EBF2: variants seen among roughly 807,000 people sequenced by gnomAD.
EBF2 encodes the protein EBF transcription factor 2.
A neutral mutation model predicts 72.8 loss-of-function variants in EBF2; 21 were observed. The observed-to-expected ratio is 0.29, with a 90% CI of 0.20 to 0.42. The LOEUF (loss-of-function observed/expected upper bound fraction) is 0.42, where lower values mean the gene tolerates loss of function less well. EBF2 is among the 10% of genes least tolerant of loss of function. The pLI is 1.00. For missense variants in EBF2, 637 were observed against 731.2 expected (o/e 0.87, Z 1.49); for synonymous variants, 299 against 274.2 (o/e 1.09, Z -0.89).
At chr8:25,923,716 G>A in intron 6 of EBF2, among the ~76,000 whole-genome samples, 1 of 152,280 alleles carries the variant, frequency 6.6e-6, no homozygotes, top group African/African-American at 2.4e-5. Flanking sequence ...CAACCAAAGG[G>A]CCTAGTGAGG....
At chr8:25,918,751 C>T (rs567764559) in intron 6 of EBF2, among the ~76,000 whole-genome samples, 1 of 152,246 alleles carries the variant, frequency 6.6e-6, no homozygotes, top group South Asian at 2.1e-4. Context: ...AGCCAACATT[C>T]AAACAATCAA....
At chr8:25,913,439 GA>G (rs200158690) in intron 6 of EBF2, among the ~76,000 whole-genome samples, 1 of 150,554 alleles carries the variant, frequency 6.6e-6, no homozygotes, top group Non-Finnish European at 1.5e-5. Flanking sequence ...GACCCCGTCA[GA>G]AAAAAAAATA....
chr8:25,855,095 G>A (rs1422310567), intron 14 of EBF2, among the ~76,000 whole-genome samples: 4 of 152,160 alleles, frequency 2.6e-5, no homozygotes, highest in Non-Finnish European at 1.5e-5. Context: ...ATCTCTCTAT[G>A]GATAGAGGCC....
At chr8:25,963,436 C>T (rs1198459369) in intron 6 of EBF2, among the ~76,000 whole-genome samples, 3 of 152,196 alleles carry the variant, frequency 2.0e-5, no homozygotes, top group African/African-American at 7.2e-5. Flanking sequence ...GTGCACAATA[C>T]TTCTTTCCAT....
chr8:26,000,711 CT>C (rs1466146317), intron 6 of EBF2, among the ~76,000 whole-genome samples: 1 of 152,190 alleles, frequency 6.6e-6, no homozygotes, highest in African/African-American at 2.4e-5. Flanking sequence ...GTTAAGCAAA[CT>C]AATCTTGAGC....
intron 7 of EBF2, among the ~76,000 whole-genome samples, chr8:25,904,499 T>C (rs1002416905): frequency 2.0e-5 from 3 of 152,154 alleles, no homozygotes; most frequent in African/African-American, 7.2e-5. Context: ...TTTTTCATAT[T>C]TCTATTCCAT....
intron 6 of EBF2, among the ~76,000 whole-genome samples, chr8:25,990,479 T>G (rs1452720199): frequency 6.6e-6 from 1 of 152,176 alleles, no homozygotes; most frequent in Non-Finnish European, 1.5e-5. Flanking sequence ...CAAGCACTCA[T>G]GTTCAGATTC....
chr8:25,899,212 A>G (rs144760179), intron 7 of EBF2, among the ~76,000 whole-genome samples: 12 of 151,944 alleles, frequency 7.9e-5, no homozygotes, highest in African/African-American at 2.4e-4. Context: ...CATTGGACTA[A>G]GAGAAAGATC....
intron 5 of EBF2, among the ~76,000 whole-genome samples, chr8:26,036,406 A>C (rs1805501320): frequency 6.6e-6 from 1 of 152,236 alleles, no homozygotes; most frequent in Non-Finnish European, 1.5e-5. Flanking sequence ...ATTCAGCACA[A>C]AACATACATA....
Position 25,848,846 on chromosome 8 carries a change from C to A in EBF2, c.1696+1748G>T, listed in dbSNP as rs904247795. Among the ~76,000 whole-genome samples the A allele has an allele frequency of 2.6e-5, 4 of 152,190 alleles. 1 individual carries two copies. The South Asian group carries it at 6.2e-4, about 24-fold the overall frequency. On this transcript the variant is annotated intron_variant, in intron 15 of 15. Coordinates refer to ENST00000520164, the MANE Select transcript of EBF2 (RefSeq NM_022659.4). ...CAGTAAGACTTGCTGGGCCTCCACTCGGGTTAAGGTCGATGAATAAAACCA... is the reference window on the plus strand; with the variant it reads ...CAGTAAGACTTGCTGGGCCTCCACTAGGGTTAAGGTCGATGAATAAAACCA...
chr8:25,967,915 G>A (rs1398649768), intron 6 of EBF2, among the ~76,000 whole-genome samples: 1 of 152,220 alleles, frequency 6.6e-6, no homozygotes, highest in African/African-American at 2.4e-5. Context: ...GAGGTTTCCA[G>A]TAGCCAGGTA....
rs1191704116 is a variant in EBF2, at chr8:26,044,204, C to T, written c.131+525G>A. Among the ~76,000 whole-genome samples, 1 of 152,242 alleles carries T rather than the reference C, an allele frequency of 6.6e-6. No individual in the cohort carries two copies. Among genetic ancestry groups the T allele is most frequent in the African/African-American group, 2.4e-5 (1 of 41,462 alleles). ...CCGGCCGCCTCGTCTTCCCGGGCAGCCGCTCCGGCTTTTCCCGCTCCCCTC... is the reference window on the plus strand; with the variant it reads ...CCGGCCGCCTCGTCTTCCCGGGCAGTCGCTCCGGCTTTTCCCGCTCCCCTC... On this transcript the variant is annotated intron_variant, in intron 1 of 15. Coordinates refer to ENST00000520164, the MANE Select transcript of EBF2 (RefSeq NM_022659.4). This position sits in a 1 kb window ranked among gnomAD's most constrained non-coding sequence, Gnocchi z 4.1.
intron 13 of EBF2, among the ~76,000 whole-genome samples, chr8:25,859,658 T>G (rs1406782752): frequency 6.6e-6 from 1 of 152,094 alleles, no homozygotes; most frequent in East Asian, 1.9e-4. Flanking sequence ...GAAAAAGAAT[T>G]TGATATTTGT....
intron 6 of EBF2, among the ~76,000 whole-genome samples, chr8:26,015,706 G>C (rs1381974324): frequency 6.6e-6 from 1 of 152,162 alleles, no homozygotes; most frequent in African/African-American, 2.4e-5. Context: ...TTTTAGCCTG[G>C]TCTATAATGA....
At chr8:25,998,169 G>A (rs192219201) in intron 6 of EBF2, among the ~76,000 whole-genome samples, 15 of 152,210 alleles carry the variant, frequency 9.9e-5, no homozygotes, top group Admixed American at 9.8e-4. Flanking sequence ...CCTGGGTCGT[G>A]GCACACTTAC....
chr8:26,001,229 A>G (rs1804719166), intron 6 of EBF2, among the ~76,000 whole-genome samples: 1 of 152,226 alleles, frequency 6.6e-6, no homozygotes, highest in Admixed American at 6.5e-5. Context: ...GGGAAGGGAC[A>G]TACAGTCTGT....
chr8:25,844,405 T>TC lies in EBF2; in HGVS notation c.*203dup, dbSNP rs1801790329. On this transcript the variant is annotated 3_prime_UTR_variant, in exon 16 of 16. Coordinates refer to ENST00000520164, the MANE Select transcript of EBF2 (RefSeq NM_022659.4). ...ACGTCAATGACATCTTTTGTCCTTG[T>TC]CCCAAGAGGGTCAGTTTGTGTAGCC... 1.8e-6 allele frequency: 1 copy of TC among 569,764 alleles called. No individual in the cohort carries two copies. Among genetic ancestry groups the TC allele is most frequent in the African/African-American group, 1.9e-5 (1 of 53,296 alleles). The allele number at this position is 569,764 out of a possible 1,614,324, so 35.3% of individuals were successfully genotyped here.
intron 6 of EBF2, among the ~76,000 whole-genome samples, chr8:25,928,369 T>C (rs1049170452): frequency 1.8e-4 from 27 of 152,152 alleles, no homozygotes; most frequent in African/African-American, 6.5e-4. Context: ...TGCAGATCTT[T>C]CATATGCTCC....
intron 6 of EBF2, among the ~76,000 whole-genome samples, chr8:25,921,784 T>A (rs1368473059): frequency 6.6e-6 from 1 of 152,204 alleles, no homozygotes; most frequent in African/African-American, 2.4e-5. Context: ...GTCCAGAATC[T>A]CTTCTTTCAT....
Sources: allele counts gnomAD v4.1 joint callset (sites outside exome capture counted in the v4.1 genomes callset), GRCh38; gene constraint gnomAD v4.1.1; non-coding constraint Gnocchi (gnomAD v3.1); transcripts MANE v1.5; gene names NCBI Gene and HGNC (gene_info 2026-07-23, HGNC 2026-07-21).